The following VTI1A variants were observed in gnomAD, a reference collection of about 807,000 sequenced individuals.
The protein encoded by VTI1A is vesicle transport through interaction with t-SNAREs 1A.
A neutral mutation model predicts 34.9 loss-of-function variants in VTI1A; 22 were observed. The ratio of observed to expected loss-of-function variants is 0.63; its 90% CI spans 0.45 to 0.90. The LOEUF (loss-of-function observed/expected upper bound fraction) is 0.90. Among genes scored for constraint, VTI1A ranks in the 40% least tolerant of loss-of-function variants. The pLI is 0.00. For missense variants in VTI1A, 268 were observed against 275.6 expected (o/e 0.97, Z 0.20); for synonymous variants, 87 against 97.3 (o/e 0.89, Z 0.62).
At chr10:112,669,216 A>AACT (rs1345296168) in intron 7 of VTI1A, among the ~76,000 whole-genome samples, 1 of 152,162 alleles carries the variant, frequency 6.6e-6, no homozygotes, top group African/African-American at 2.4e-5. Context: ...CTAGGGGGGT[A>AACT]ACCTCAAGCT....
At position 112,465,863 on chromosome 10, in the gene VTI1A, A is replaced by G. The variant is rs1564788166; in HGVS notation, c.264+1206A>G. 2.6e-5 allele frequency among the ~76,000 whole-genome samples: 4 copies of G among 152,216 alleles called. No homozygotes were observed. The South Asian group carries it at 8.3e-4, about 31-fold the overall frequency. The stretch of plus-strand genomic sequence containing the variant: ...AAATGGTTAAAATGGTAAATTTTAT[A>G]TTATGTGATTTTACCGCAATTAAAA... On this transcript the variant is annotated intron_variant, in intron 3 of 7. Transcript: ENST00000393077.
chr10:112,643,905 T>C (rs1166288094), intron 5 of VTI1A, among the ~76,000 whole-genome samples: 1 of 151,904 alleles, frequency 6.6e-6, no homozygotes, highest in Non-Finnish European at 1.5e-5. Flanking sequence ...CAGTGGCAAA[T>C]GAAAATACAA....
chr10:112,683,459 C>T (rs753911701), intron 7 of VTI1A, among the ~76,000 whole-genome samples: 20 of 152,166 alleles, frequency 1.3e-4, no homozygotes, highest in Non-Finnish European at 2.2e-4. Flanking sequence ...ATATGACTAA[C>T]TTGTTTTATT....
intron 7 of VTI1A, among the ~76,000 whole-genome samples, chr10:112,686,806 T>C (rs955002038): frequency 6.6e-6 from 1 of 152,228 alleles, no homozygotes. Context: ...TTATTTCCTC[T>C]TGAACATCAC....
At chr10:112,555,696 G>C (rs549092488) in intron 5 of VTI1A, among the ~76,000 whole-genome samples, 176 of 152,086 alleles carry the variant, frequency 1.2e-3, no homozygotes, top group Non-Finnish European at 1.8e-3. Flanking sequence ...ATATCTGCTT[G>C]TTAATTTGCA....
chr10:112,469,952 G>T (rs980314078), intron 3 of VTI1A, among the ~76,000 whole-genome samples: 26 of 152,176 alleles, frequency 1.7e-4, no homozygotes, highest in African/African-American at 5.8e-4. Context: ...CACTCCCTGT[G>T]GGCTCCCCCT....
chr10:112,700,257 T>C (rs1177183092), intron 7 of VTI1A, among the ~76,000 whole-genome samples: 1 of 151,970 alleles, frequency 6.6e-6, no homozygotes, highest in Non-Finnish European at 1.5e-5. Context: ...GGTAGTGAGA[T>C]TGGATGTTAC....
rs145279234 is a variant in VTI1A, at chr10:112,457,564, A to G, written c.95-2960A>G. On this transcript the variant is annotated intron_variant, in intron 1 of 7. Coordinates refer to ENST00000393077, the MANE Select transcript of VTI1A (RefSeq NM_145206.4). ...GTGATGATTTCTGAAGAGAGTTTTG[A>G]ATAGAGGTTTGCCAGGTGGGCCTGG... 6.9e-3 allele frequency among the ~76,000 whole-genome samples: 1,056 copies of G among 152,314 alleles called. 13 individuals carry two copies. Among genetic ancestry groups the G allele is most frequent in the African/African-American group, 0.025 (1,028 of 41,556 alleles).
At chr10:112,629,979 T>C (rs1359793896) in intron 5 of VTI1A, among the ~76,000 whole-genome samples, 2 of 152,196 alleles carry the variant, frequency 1.3e-5, no homozygotes, top group Non-Finnish European at 2.9e-5. Flanking sequence ...GGTTTTATAG[T>C]ATTAAAACTG....
chr10:112,494,332 C>T (rs1281749641), intron 3 of VTI1A, among the ~76,000 whole-genome samples: 1 of 152,058 alleles, frequency 6.6e-6, no homozygotes, highest in Non-Finnish European at 1.5e-5. Context: ...GTCTTAAAAA[C>T]AACTTTTGGT....
At chr10:112,683,476 T>C (rs1848289740) in intron 7 of VTI1A, among the ~76,000 whole-genome samples, 1 of 152,238 alleles carries the variant, frequency 6.6e-6, no homozygotes, top group Non-Finnish European at 1.5e-5. Flanking sequence ...TATTTGGGAA[T>C]ATTCTTTTTA....
intron 3 of VTI1A, among the ~76,000 whole-genome samples, chr10:112,513,914 T>C (rs78083451): frequency 0.012 from 1,898 of 152,134 alleles, 16 homozygotes; most frequent in Middle Eastern, 0.024. Flanking sequence ...ATTCCTTTAA[T>C]GTATTCTGGA....
At chr10:112,660,368 G>T (rs901027584) in intron 5 of VTI1A, among the ~76,000 whole-genome samples, 2 of 152,142 alleles carry the variant, frequency 1.3e-5, no homozygotes, top group African/African-American at 4.8e-5. Flanking sequence ...AAAGTGCTGG[G>T]ATTACAGGCG....
the VTI1A span, among the ~76,000 whole-genome samples, chr10:112,854,342 G>C: frequency 6.6e-6 from 1 of 152,204 alleles, no homozygotes; most frequent in Non-Finnish European, 1.5e-5. Context: ...AACAGGCTTA[G>C]AACAATTAAG....
At chr10:112,584,182 C>G (rs2134408546) in intron 5 of VTI1A, among the ~76,000 whole-genome samples, 1 of 152,280 alleles carries the variant, frequency 6.6e-6, no homozygotes, top group East Asian at 1.9e-4. Context: ...CCCCTCCTCT[C>G]CGTAGTATTA....
intron 4 of VTI1A, among the ~76,000 whole-genome samples, chr10:112,536,560 CCT>C (rs1186877536): frequency 6.6e-6 from 1 of 151,928 alleles, no homozygotes; most frequent in African/African-American, 2.4e-5. Flanking sequence ...AAGAAGCTTT[CCT>C]CTCTGTTTTA....
At chr10:112,468,160 G>A (rs558228540) in intron 3 of VTI1A, among the ~76,000 whole-genome samples, 8 of 152,290 alleles carry the variant, frequency 5.3e-5, no homozygotes, top group African/African-American at 7.2e-5. Context: ...ATTGTAGGCC[G>A]TGGTAAAGAC....
chr10:112,740,717 T>A (rs1028732455), intron 7 of VTI1A, among the ~76,000 whole-genome samples: 1 of 152,260 alleles, frequency 6.6e-6, no homozygotes, highest in African/African-American at 2.4e-5. Context: ...CATGTGCTGC[T>A]GGTGAGAATG....
chr10:112,842,049 TCC>T, the VTI1A span, among the ~76,000 whole-genome samples: 584 of 122,734 alleles, frequency 4.8e-3, 12 homozygotes, highest in African/African-American at 0.016. Context: ...TTTTTTTTTT[TCC>T]TTTTTTTTTT....
Sources: gnomAD v4.1 joint callset for allele counts (sites outside exome capture counted in the v4.1 genomes callset) on GRCh38, gnomAD v4.1.1 for gene constraint, MANE v1.5 for transcripts, NCBI Gene and HGNC (gene_info 2026-07-23, HGNC 2026-07-21) for gene names.